The following HMGCLL1 variants were observed in gnomAD, a reference collection of about 807,000 sequenced individuals.
The protein encoded by HMGCLL1 is 3-hydroxymethyl-3-methylglutaryl-CoA lyase, cytoplasmic.
HMGCLL1 carries 36 observed loss-of-function variants against 39.1 expected under a neutral mutation model. That is an observed-to-expected ratio of 0.92 (90% CI 0.71 to 1.22). The LOEUF (loss-of-function observed/expected upper bound fraction) is 1.22, where lower values mean the gene tolerates loss of function less well. Among genes scored for constraint, HMGCLL1 ranks in the 50% most tolerant of loss-of-function variants. HMGCLL1 has a pLI of 0.00. For missense variants in HMGCLL1, 451 were observed against 416.5 expected, an observed-to-expected ratio of 1.08 and a Z score of -0.72; for synonymous variants, 149 against 144.0, an observed-to-expected ratio of 1.03 and a Z score of -0.25.
chr6:55,646,714 T>C, the HMGCLL1 span, among the ~76,000 whole-genome samples: 1 of 152,048 alleles, frequency 6.6e-6, no homozygotes, highest in Non-Finnish European at 1.5e-5. Flanking sequence ...AAAATTCTTC[T>C]TGTTATTGAT....
chr6:55,463,099 C>T (rs1045242945), intron 7 of HMGCLL1, among the ~76,000 whole-genome samples: 15 of 149,980 alleles, frequency 1.0e-4, no homozygotes, highest in Non-Finnish European at 1.6e-4. Context: ...AGCGCAATCT[C>T]GGCTCACTGC....
chr6:55,460,006 G>A lies in HMGCLL1; in HGVS notation c.796-20447C>T, dbSNP rs889023235. On this transcript the variant is annotated intron_variant, in intron 7 of 8. Transcript: ENST00000274901. ...TCTATAGAACATCTGTAAGTACTAT[G>A]GCATTTCTTAATAAAAGTACATCTG... is the stretch of plus-strand genomic sequence containing the variant. 2.6e-5 allele frequency among the ~76,000 whole-genome samples: 4 copies of A among 151,884 alleles called. No homozygotes were observed. In the East Asian group the frequency reaches 7.7e-4, roughly 29 times the overall value.
At chr6:55,636,363 G>A in the HMGCLL1 span, among the ~76,000 whole-genome samples, 6 of 152,104 alleles carry the variant, frequency 3.9e-5, no homozygotes, top group African/African-American at 1.4e-4. Flanking sequence ...AGGTTAATAT[G>A]AAAAATGAGT....
At chr6:55,487,295 G>A (rs1766081089) in intron 7 of HMGCLL1, among the ~76,000 whole-genome samples, 1 of 151,576 alleles carries the variant, frequency 6.6e-6, no homozygotes, top group African/African-American at 2.4e-5. Flanking sequence ...TGTTGATCTT[G>A]TTTGTTTGTT....
intron 8 of HMGCLL1, among the ~76,000 whole-genome samples, chr6:55,436,572 C>T (rs1763380147): frequency 6.6e-6 from 1 of 151,970 alleles, no homozygotes. Context: ...CCTTATGTGG[C>T]ATTTCATAAG....
intron 1 of HMGCLL1, among the ~76,000 whole-genome samples, chr6:55,576,552 A>ATTTCTATGCCTAT (rs1771770292): frequency 6.6e-6 from 1 of 152,248 alleles, no homozygotes; most frequent in Non-Finnish European, 1.5e-5. Flanking sequence ...AACACTTTCC[A>ATTTCTATGCCTAT]ATTAGCTATA....
chr6:55,625,058 T>C, the HMGCLL1 span, among the ~76,000 whole-genome samples: 2 of 152,108 alleles, frequency 1.3e-5, no homozygotes, highest in African/African-American at 4.8e-5. Flanking sequence ...GGGATGCTGT[T>C]TGGAGCCTTT....
the HMGCLL1 span, among the ~76,000 whole-genome samples, chr6:55,636,180 C>A: frequency 6.6e-6 from 1 of 151,888 alleles, no homozygotes; most frequent in Admixed American, 6.6e-5. Flanking sequence ...TAGAGACCAC[C>A]TCAAAAGGGA....
the HMGCLL1 span, among the ~76,000 whole-genome samples, chr6:55,617,309 C>T: frequency 4.6e-5 from 7 of 152,072 alleles, no homozygotes; most frequent in East Asian, 1.9e-4. Flanking sequence ...CACCCACCAG[C>T]TCATTTGGGA....
the HMGCLL1 span, among the ~76,000 whole-genome samples, chr6:55,624,612 G>A: frequency 6.6e-6 from 1 of 152,174 alleles, no homozygotes; most frequent in Non-Finnish European, 1.5e-5. Flanking sequence ...TATGCAGATT[G>A]GATCCAGTGA....
the HMGCLL1 span, among the ~76,000 whole-genome samples, chr6:55,653,943 A>G: frequency 1.3e-5 from 2 of 152,086 alleles, no homozygotes. Context: ...ATATCCCAAA[A>G]TAATTATGTT....
chr6:55,624,933 G>T, the HMGCLL1 span, among the ~76,000 whole-genome samples: 2 of 152,028 alleles, frequency 1.3e-5, no homozygotes, highest in Non-Finnish European at 2.9e-5. Flanking sequence ...TTTTTAATGT[G>T]GTCCAGAACA....
At chr6:55,448,028 G>A (rs1763930464) in intron 7 of HMGCLL1, among the ~76,000 whole-genome samples, 1 of 152,108 alleles carries the variant, frequency 6.6e-6, no homozygotes, top group African/African-American at 2.4e-5. Context: ...TTTCTTATGA[G>A]ACTTTCTGAA....
intron 5 of HMGCLL1, among the ~76,000 whole-genome samples, chr6:55,510,719 C>A (rs987530331): frequency 2.0e-5 from 3 of 150,646 alleles, no homozygotes; most frequent in Non-Finnish European, 4.4e-5. Flanking sequence ...TGCAGCACAC[C>A]AGCATGGCAC....
the HMGCLL1 span, among the ~76,000 whole-genome samples, chr6:55,677,667 T>C: frequency 3.9e-5 from 6 of 152,210 alleles, no homozygotes; most frequent in Non-Finnish European, 5.9e-5. Context: ...TGATACCTGT[T>C]ATCAAATGAC....
chr6:55,529,353 A>AGAC (rs1487532725), intron 3 of HMGCLL1, among the ~76,000 whole-genome samples: 2 of 152,156 alleles, frequency 1.3e-5, no homozygotes, highest in African/African-American at 4.8e-5. Flanking sequence ...TACTGTATAC[A>AGAC]GACTGTAAAC....
At chr6:55,441,856 A>G (rs1763611085) in intron 7 of HMGCLL1, among the ~76,000 whole-genome samples, 1 of 151,834 alleles carries the variant, frequency 6.6e-6, no homozygotes, top group Admixed American at 6.6e-5. Flanking sequence ...ACACCTGGCT[A>G]ATTTTTGTGT....
the HMGCLL1 span, among the ~76,000 whole-genome samples, chr6:55,604,968 C>G: frequency 6.6e-6 from 1 of 152,210 alleles, no homozygotes; most frequent in South Asian, 2.1e-4. Context: ...GTGTAGTTTA[C>G]ATTATTTTAT....
chr6:55,613,012 C>A, the HMGCLL1 span, among the ~76,000 whole-genome samples: 1 of 152,116 alleles, frequency 6.6e-6, no homozygotes, highest in Non-Finnish European at 1.5e-5. Flanking sequence ...ATTGAATAGG[C>A]AACCTAGAGA....
Sources: gnomAD v4.1 joint callset for allele counts (sites outside exome capture counted in the v4.1 genomes callset) on GRCh38, gnomAD v4.1.1 for gene constraint, MANE v1.5 for transcripts, NCBI Gene and HGNC (gene_info 2026-07-23, HGNC 2026-07-21) for gene names.